The following MLXIP variants were observed in gnomAD, a reference collection of about 807,000 sequenced individuals.
The protein encoded by MLXIP is MLX-interacting protein.
A neutral mutation model predicts 87.2 loss-of-function variants in MLXIP; 30 were observed. The observed-to-expected ratio is 0.34, with a 90% CI of 0.26 to 0.47. The LOEUF (loss-of-function observed/expected upper bound fraction) is 0.47, where lower values mean the gene tolerates loss of function less well. Ranked by LOEUF, MLXIP falls within the 20% of genes least tolerant of loss-of-function variation. MLXIP has a pLI of 1.00. For synonymous variants in MLXIP, 530 were observed against 514.0 expected, an observed-to-expected ratio of 1.03 and a Z score of -0.42; for missense variants, 1,002 against 1,240.1, an observed-to-expected ratio of 0.81 and a Z score of 2.88.
intron 1 of MLXIP, among the ~76,000 whole-genome samples, chr12:122,116,557 T>C (rs894919113): frequency 4.6e-5 from 7 of 152,226 alleles, no homozygotes; most frequent in African/African-American, 1.4e-4. Flanking sequence ...TGGGGTCTGA[T>C]TGGGGTTTAC....
At chr12:122,110,649 T>C (rs1424538883) in intron 1 of MLXIP, among the ~76,000 whole-genome samples, 2 of 152,046 alleles carry the variant, frequency 1.3e-5, no homozygotes, top group East Asian at 1.9e-4. Flanking sequence ...TGCATGCCTG[T>C]AGTCCCAAAT....
chr12:122,088,873 A>C (rs1952206236), intron 1 of MLXIP, among the ~76,000 whole-genome samples: 1 of 152,026 alleles, frequency 6.6e-6, no homozygotes, highest in South Asian at 2.1e-4. Context: ...CTAGCTTTTT[A>C]AAGAACAGCC....
intron 15 of MLXIP, among the ~76,000 whole-genome samples, chr12:122,139,658 CAG>C (rs1229768243): frequency 6.6e-6 from 1 of 152,166 alleles, no homozygotes; most frequent in African/African-American, 2.4e-5. Flanking sequence ...CTGGAAGGGA[CAG>C]AGTGTTTTTG....
chr12:122,092,664 A>G (rs1425259853), intron 1 of MLXIP, among the ~76,000 whole-genome samples: 3 of 152,132 alleles, frequency 2.0e-5, no homozygotes, highest in Admixed American at 6.5e-5. Flanking sequence ...ATTTTAAGCT[A>G]TCACCCCTCA....
At chr12:122,097,055 T>G (rs550064787) in intron 1 of MLXIP, among the ~76,000 whole-genome samples, 1 of 152,344 alleles carries the variant, frequency 6.6e-6, no homozygotes, top group South Asian at 2.1e-4. Flanking sequence ...CAGCCTTGCT[T>G]CTCAGCTGCT....
At chr12:122,094,374 T>G (rs1249168185) in intron 1 of MLXIP, among the ~76,000 whole-genome samples, 2 of 141,824 alleles carry the variant, frequency 1.4e-5, no homozygotes, top group African/African-American at 5.3e-5. Flanking sequence ...GGTGTATGTT[T>G]GCAGTGTCTG....
chr12:122,088,645 G>GA, intron 1 of MLXIP, among the ~76,000 whole-genome samples: 1 of 152,164 alleles, frequency 6.6e-6, no homozygotes, highest in Non-Finnish European at 1.5e-5. Flanking sequence ...AGGCTTTGGA[G>GA]AAGGAAAGCA....
rs771108840 is a variant in MLXIP at position 122,127,731 on chromosome 12, C to T, written c.521-152C>T. On this transcript the variant is annotated intron_variant, in intron 2 of 16. Coordinates refer to ENST00000319080, the MANE Select transcript of MLXIP (RefSeq NM_014938.6). ...GATTCCTCTCCTTTCACCTGGACTC[C>T]TTTATTTCCCTGAAATCTCCTTTTC... 7.5e-6 allele frequency: 5 copies of T among 671,070 alleles called. No homozygotes were observed. In the Admixed American group the frequency reaches 7.5e-5, roughly 10 times the overall value. 41.6% of individuals were successfully genotyped at this position (671,070 alleles called of 1,614,324 possible).
chr12:122,138,067 G>T, intron 12 of MLXIP, 127 bp from the exon 13 acceptor site: 1 of 735,008 alleles, frequency 1.4e-6, no homozygotes, highest in Non-Finnish European at 2.2e-6. Flanking sequence ...GCTTCTCGTC[G>T]TGCCCTCCTC....
In MLXIP at chr12:122,127,869, C is replaced by T. The variant is rs1952905918; in HGVS notation, c.521-14C>T. On this transcript the variant is annotated splice_polypyrimidine_tract_variant and intron_variant, in intron 2 of 16. Transcript: ENST00000319080. ...CTGGATCATGGTGCTGACTCTCACC[C>T]TCTCTCTGCTCAGATCTGGAGAAGC... The T allele has an allele frequency of 3.1e-6, 5 of 1,612,316 alleles. No individual in the cohort carries two copies. Among genetic ancestry groups the T allele is most frequent in the East Asian group, 2.2e-5 (1 of 44,866 alleles).
intron 1 of MLXIP, among the ~76,000 whole-genome samples, chr12:122,096,733 C>A (rs1247378329): frequency 1.3e-5 from 2 of 152,210 alleles, no homozygotes; most frequent in Non-Finnish European, 2.9e-5. Flanking sequence ...AGCTTGCATG[C>A]CTTGTGGTGC....
chr12:122,127,705 A>G (rs983105990), intron 2 of MLXIP, among the ~76,000 whole-genome samples, 178 bp from the exon 3 acceptor site: 1 of 152,214 alleles, frequency 6.6e-6, no homozygotes, highest in African/African-American at 2.4e-5. Flanking sequence ...CGTTATTGAC[A>G]GATTCCTCTC....
At chr12:122,111,321 A>G (rs930794636) in intron 1 of MLXIP, among the ~76,000 whole-genome samples, 1 of 152,204 alleles carries the variant, frequency 6.6e-6, no homozygotes, top group Non-Finnish European at 1.5e-5. Flanking sequence ...GCCAATTTCT[A>G]GAGTCTTGAC....
In MLXIP at chr12:122,145,661, A is replaced by G. The variant is rs1479942747; in HGVS notation, c.*3849A>G. 6.6e-6 allele frequency: 1 copy of G among 152,382 alleles called. No homozygotes were observed. The highest frequency in any genetic ancestry group is 6.5e-5 in the Admixed American group (1 of 15,302). The allele number at this position is 152,382 out of a possible 1,614,324, so 9.4% of individuals were successfully genotyped here. A position where few individuals can be genotyped will look rare whatever the true frequency, so the allele number is the denominator to read the frequency against. On this transcript the variant is annotated 3_prime_UTR_variant, in exon 17 of 17. Transcript: ENST00000319080. ...CGGGTGAACCTGAGGTGGCAGGTTC[A>G]GGTTTTCAAGATGGTGAGGTCTCGC...
chr12:122,131,552 C>T (rs4758688), intron 7 of MLXIP, among the ~76,000 whole-genome samples: 74,301 of 149,440 alleles, frequency 0.5, 18,872 homozygotes, highest in Admixed American at 0.57. Context: ...TGGGCTCAAG[C>T]GATCCTCCCA....
intron 1 of MLXIP, among the ~76,000 whole-genome samples, chr12:122,085,896 G>A (rs1156676868): frequency 1.3e-5 from 2 of 152,144 alleles, no homozygotes; most frequent in African/African-American, 4.8e-5. Context: ...TGGCAAAGGC[G>A]AATTAAGGTT....
At chr12:122,106,603 T>TC in intron 1 of MLXIP, among the ~76,000 whole-genome samples, 1 of 136,548 alleles carries the variant, frequency 7.3e-6, no homozygotes, top group East Asian at 2.1e-4. Context: ...TTCTTTTTTT[T>TC]TTTTTTTTTT....
intron 1 of MLXIP, among the ~76,000 whole-genome samples, chr12:122,116,428 C>T (rs1340592394): frequency 4.6e-5 from 7 of 152,186 alleles, no homozygotes; most frequent in African/African-American, 1.7e-4. Context: ...ATATGGGGCA[C>T]ATGGCTAACG....
At chr12:122,090,834 A>T (rs1338324616) in intron 1 of MLXIP, among the ~76,000 whole-genome samples, 2 of 152,216 alleles carry the variant, frequency 1.3e-5, no homozygotes, top group Non-Finnish European at 1.5e-5. Context: ...GAACCTTGGA[A>T]ACGCTGCACT....
Sources: allele counts gnomAD v4.1 joint callset (sites outside exome capture counted in the v4.1 genomes callset), GRCh38; gene constraint gnomAD v4.1.1; transcripts MANE v1.5; gene names NCBI Gene and HGNC (gene_info 2026-07-23, HGNC 2026-07-21).